Variants in KIAA1549L observed in about 807,000 individuals in gnomAD.
KIAA1549L encodes KIAA1549 like, also known as UPF0606 protein KIAA1549L.
KIAA1549L carries 88 observed loss-of-function variants against 160.7 expected under a neutral mutation model. That is an observed-to-expected ratio of 0.55 (90% CI 0.46 to 0.65). KIAA1549L has a LOEUF of 0.65. Among genes scored for constraint, KIAA1549L ranks in the 30% least tolerant of loss-of-function variants. The pLI is 0.00. For synonymous variants in KIAA1549L, 950 were observed against 976.7 expected, an observed-to-expected ratio of 0.97 and a Z score of 0.51; for missense variants, 2,258 against 2,437.5, an observed-to-expected ratio of 0.93 and a Z score of 1.55.
At chr11:33,396,496 A>C (rs1233631198) in intron 1 of KIAA1549L, among the ~76,000 whole-genome samples, 2 of 152,194 alleles carry the variant, frequency 1.3e-5, no homozygotes, top group East Asian at 3.8e-4. Context: ...AGGACCTTGA[A>C]TAGAGGTTGA....
intron 1 of KIAA1549L, among the ~76,000 whole-genome samples, chr11:33,489,985 C>T (rs1377513382): frequency 6.6e-6 from 1 of 152,152 alleles, no homozygotes; most frequent in Non-Finnish European, 1.5e-5. Flanking sequence ...GGTGTGACTT[C>T]TTACAGTTGT....
intron 15 of KIAA1549L, among the ~76,000 whole-genome samples, chr11:33,614,560 ATATATATATATATATATATATATATTTTT>A (rs1850745053): frequency 5.3e-4 from 7 of 13,148 alleles, no homozygotes; most frequent in African/African-American, 4.2e-3. Context: ...ATATATATAT[ATATATATATATATATATATATATATTTTT>A]TTTTTTTTTT....
At chr11:33,596,207 CT>C in intron 12 of KIAA1549L, among the ~76,000 whole-genome samples, 1 of 152,292 alleles carries the variant, frequency 6.6e-6, no homozygotes, top group African/African-American at 2.4e-5. Flanking sequence ...ACTTTTGTTA[CT>C]GTCATGTGAG....
At chr11:33,634,969 G>A (rs893765844) in intron 16 of KIAA1549L, among the ~76,000 whole-genome samples, 3 of 152,008 alleles carry the variant, frequency 2.0e-5, no homozygotes, top group Non-Finnish European at 2.9e-5. Flanking sequence ...CCATTTGCAC[G>A]CCTTTGCAGA....
chr11:33,472,296 T>TA (rs1193803613), intron 1 of KIAA1549L, among the ~76,000 whole-genome samples: 8 of 149,436 alleles, frequency 5.4e-5, no homozygotes, highest in Non-Finnish European at 1.0e-4. Flanking sequence ...TTTTTTTTTT[T>TA]TGGTTGTAGA....
chr11:33,399,456 G>A (rs995662256), intron 1 of KIAA1549L, among the ~76,000 whole-genome samples: 6 of 152,152 alleles, frequency 3.9e-5, no homozygotes, highest in Admixed American at 3.9e-4. Context: ...TCCTCTGTTA[G>A]TTTTCTCTTT....
chr11:33,390,478 G>A (rs1320462518), intron 1 of KIAA1549L, among the ~76,000 whole-genome samples: 2 of 152,118 alleles, frequency 1.3e-5, no homozygotes, highest in South Asian at 2.1e-4. Context: ...TAGTTTAAAC[G>A]CCCACCATCA....
chr11:33,667,587 G>A (rs184600631), intron 20 of KIAA1549L, among the ~76,000 whole-genome samples: 1 of 151,996 alleles, frequency 6.6e-6, no homozygotes, highest in Non-Finnish European at 1.5e-5. Flanking sequence ...GTAGAGAAGG[G>A]GTTTCACCAT....
At chr11:33,541,142 G>A (rs1854011204) in intron 1 of KIAA1549L, among the ~76,000 whole-genome samples, 1 of 152,170 alleles carries the variant, frequency 6.6e-6, no homozygotes, top group South Asian at 2.1e-4. Flanking sequence ...ACACATGAGT[G>A]TTGATATTTC....
At chr11:33,489,320 CAG>C (rs1374452841) in intron 1 of KIAA1549L, among the ~76,000 whole-genome samples, 1 of 152,146 alleles carries the variant, frequency 6.6e-6, no homozygotes, top group Non-Finnish European at 1.5e-5. Context: ...CAGAGAGAGA[CAG>C]AGACAGAGGG....
At chr11:33,625,729 G>GT (rs1851090533) in intron 16 of KIAA1549L, among the ~76,000 whole-genome samples, 1 of 152,134 alleles carries the variant, frequency 6.6e-6, no homozygotes, top group Admixed American at 6.5e-5. Context: ...TCTGATGGTA[G>GT]TTTCTTTTGC....
At position 33,606,780 on chromosome 11, in the gene KIAA1549L, C is replaced by T. The variant is rs549028201; in HGVS notation, c.5019C>T (p.Thr1673=). ...KPTALPMVPP[T]SDRSQESSAV... Reference sequence around the variant, plus strand: ...CAGCCCTCCCCATGGTGCCCCCCACCTCGGACAGGAGCCAGGAGTCATCGG... The same window carrying T: ...CAGCCCTCCCCATGGTGCCCCCCACTTCGGACAGGAGCCAGGAGTCATCGG... Residue 1673 remains threonine (T), a synonymous_variant, in exon 14 of 21, where the codon ACC becomes ACT. Transcript: ENST00000658780. 6.2e-7 allele frequency: 1 copy of T among 1,613,112 alleles called. No individual in the cohort carries two copies. Among genetic ancestry groups the T allele is most frequent in the Non-Finnish European group, 8.5e-7 (1 of 1,179,548 alleles).
At chr11:33,483,317 G>C (rs1852452047) in intron 1 of KIAA1549L, among the ~76,000 whole-genome samples, 1 of 152,202 alleles carries the variant, frequency 6.6e-6, no homozygotes. Context: ...AAATTGTTGA[G>C]GGGGAGAAAT....
chr11:33,418,849 G>T (rs1238321971), intron 1 of KIAA1549L, among the ~76,000 whole-genome samples: 1 of 149,538 alleles, frequency 6.7e-6, no homozygotes, highest in Admixed American at 6.7e-5. Flanking sequence ...AGCCTGGGCT[G>T]TTCTGGCCCT....
chr11:33,606,881 G>A (rs1264363580), intron 14 of KIAA1549L, 59 bp downstream of exon 14: 31 of 1,427,602 alleles, frequency 2.2e-5, no homozygotes, highest in East Asian at 4.9e-5. Flanking sequence ...AAATTCGGAC[G>A]AAGGAACAAC....
At chr11:33,397,156 C>A (rs1850392954) in intron 1 of KIAA1549L, among the ~76,000 whole-genome samples, 1 of 146,662 alleles carries the variant, frequency 6.8e-6, no homozygotes. Context: ...TATGGTGAAA[C>A]CCCGTCTCTA....
intron 1 of KIAA1549L, among the ~76,000 whole-genome samples, chr11:33,449,659 C>T (rs992520405): frequency 1.9e-4 from 29 of 151,834 alleles, no homozygotes; most frequent in African/African-American, 7.0e-4. Flanking sequence ...TTTGAAATAC[C>T]ACCTCCTGAT....
At chr11:33,616,060 G>C (rs558769067) in intron 15 of KIAA1549L, among the ~76,000 whole-genome samples, 1 of 152,174 alleles carries the variant, frequency 6.6e-6, no homozygotes, top group African/African-American at 2.4e-5. Flanking sequence ...ATTAGAGTTA[G>C]TCAGACTTCT....
intron 11 of KIAA1549L, among the ~76,000 whole-genome samples, chr11:33,585,073 G>A (rs1199480656): frequency 6.6e-6 from 1 of 152,180 alleles, no homozygotes; most frequent in Non-Finnish European, 1.5e-5. Context: ...GCTGCAGCTC[G>A]TTTAGATACT....
Sources: allele counts gnomAD v4.1 joint callset (sites outside exome capture counted in the v4.1 genomes callset), GRCh38; gene constraint gnomAD v4.1.1; transcripts MANE v1.5; gene names NCBI Gene and HGNC (gene_info 2026-07-23, HGNC 2026-07-21).